PHF14: variants seen among roughly 807,000 people sequenced by gnomAD.
PHF14 encodes PHD finger protein 14.
Under a neutral mutation model 117.9 loss-of-function variants are expected in PHF14, and 55 were observed. That is an observed-to-expected ratio of 0.47 (90% confidence interval 0.38 to 0.58). The LOEUF (loss-of-function observed/expected upper bound fraction) is 0.58. PHF14 is among the 20% of genes least tolerant of loss of function. PHF14 has a pLI of 0.00. For synonymous variants in PHF14, 409 were observed against 368.6 expected (o/e 1.11, Z -1.26); for missense variants, 978 against 1,122.2 (o/e 0.87, Z 1.84).
At chr7:11,089,285 AC>A (rs1288739776) in intron 16 of PHF14, among the ~76,000 whole-genome samples, 1 of 152,248 alleles carries the variant, frequency 6.6e-6, no homozygotes, top group Non-Finnish European at 1.5e-5. Flanking sequence ...TATGCAGTAT[AC>A]TAAATAAGGT....
At chr7:11,075,763 C>G (rs977992134) in intron 16 of PHF14, among the ~76,000 whole-genome samples, 1 of 151,592 alleles carries the variant, frequency 6.6e-6, no homozygotes, top group African/African-American at 2.4e-5. Context: ...TTTAGATACC[C>G]TATGAAATAA....
At chr7:11,146,604 T>G (rs995024048) in intron 17 of PHF14, among the ~76,000 whole-genome samples, 2 of 152,210 alleles carry the variant, frequency 1.3e-5, no homozygotes, top group African/African-American at 4.8e-5. Flanking sequence ...GATTTGAATT[T>G]GAGTATCTAT....
At chr7:11,126,809 A>G (rs1229465775) in intron 17 of PHF14, among the ~76,000 whole-genome samples, 1 of 151,588 alleles carries the variant, frequency 6.6e-6, no homozygotes, top group Admixed American at 6.6e-5. Context: ...TGAATTTGAC[A>G]TCATTAAACA....
intron 5 of PHF14, among the ~76,000 whole-genome samples, chr7:11,018,922 C>T (rs902251247): frequency 1.3e-5 from 2 of 151,948 alleles, no homozygotes; most frequent in Non-Finnish European, 2.9e-5. Flanking sequence ...CTTTCTATCC[C>T]GTTTTTGGGG....
At position 10,982,491 on chromosome 7, in the gene PHF14, G is replaced by A. The variant is rs1309746381; in HGVS notation, c.232G>A (p.Glu78Lys). 1 of 1,576,898 alleles carries A rather than the reference G, an allele frequency of 6.3e-7. No individual in the cohort carries two copies. The highest frequency in any genetic ancestry group is 1.7e-5 in the Admixed American group (1 of 57,626). Reference protein sequence around the residue: ...EELNEDIKVKEEQLKNSAEEE... With the variant: ...EELNEDIKVKKEQLKNSAEEE... ...ACTGAATGAAGATATTAAAGTAAAA[G>A]AAGAACAACTTAAAAATTCTGCAGA... The change falls in exon 3 of 18, where the codon GAA becomes AAA. Residue 78 changes from glutamate to lysine, a missense_variant. By Grantham distance (56) the Glu-to-Lys change is moderately conservative (BLOSUM62 1). This residue lies in a region of PHF14 where 414 missense variants were observed against 376.4 expected (regional missense o/e 1.10). Coordinates refer to ENST00000634607, the MANE Select transcript of PHF14 (RefSeq NM_001007157.2).
intron 5 of PHF14, among the ~76,000 whole-genome samples, chr7:11,021,618 T>A (rs944200701): frequency 1.4e-4 from 22 of 152,040 alleles, no homozygotes; most frequent in African/African-American, 5.3e-4. Flanking sequence ...TCCTACAGAG[T>A]ATAGCGACAT....
At chr7:10,986,093 G>A (rs1327597820) in intron 3 of PHF14, among the ~76,000 whole-genome samples, 1 of 151,804 alleles carries the variant, frequency 6.6e-6, no homozygotes, top group Non-Finnish European at 1.5e-5. Context: ...CTCAGCCTTT[G>A]GAGTAGCTGA....
In PHF14 at chr7:11,062,915, A is replaced by C. The variant is rs958344056; in HGVS notation, c.2654+830A>C. On this transcript the variant is annotated intron_variant, in intron 16 of 17. Coordinates refer to ENST00000634607, the MANE Select transcript of PHF14 (RefSeq NM_001007157.2). ...GGAATCCATTCTTATTTCTTTAAAA[A>C]ATTGTCTTCTGGTAAAGCCCTGTTA... 15 of 983,058 alleles carry C rather than the reference A, an allele frequency of 1.5e-5. No individual in the cohort carries two copies. In the African/African-American group the frequency reaches 2.4e-4, roughly 16 times the overall value. 60.9% of individuals were successfully genotyped at this position (983,058 alleles called of 1,614,324 possible). A position where few individuals can be genotyped will look rare whatever the true frequency, so the allele number is the denominator to read the frequency against.
At chr7:11,105,377 A>T in intron 16 of PHF14, 1 of 952,204 alleles carries the variant, frequency 1.1e-6, no homozygotes, top group Non-Finnish European at 1.3e-6. Context: ...AATGAAAACC[A>T]CTGGTTTTAA....
At chr7:11,076,903 C>T (rs77593040) in intron 16 of PHF14, among the ~76,000 whole-genome samples, 1,853 of 148,428 alleles carry the variant, frequency 0.012, 38 homozygotes, top group East Asian at 0.1. Context: ...GGCAAAATTA[C>T]ACCTTTTTCA....
chr7:11,057,088 T>C (rs1343196932), intron 14 of PHF14, among the ~76,000 whole-genome samples: 1 of 152,042 alleles, frequency 6.6e-6, no homozygotes, highest in East Asian at 1.9e-4. Context: ...TGTATAAATA[T>C]TGATATGTCA....
At chr7:11,127,169 C>T (rs1787950816) in intron 17 of PHF14, among the ~76,000 whole-genome samples, 2 of 151,792 alleles carry the variant, frequency 1.3e-5, no homozygotes, top group South Asian at 2.1e-4. Context: ...CTATTCTCAG[C>T]AGCTCAGACC....
chr7:11,023,747 G>C (rs1783816275), intron 6 of PHF14, among the ~76,000 whole-genome samples: 1 of 152,160 alleles, frequency 6.6e-6, no homozygotes, highest in East Asian at 1.9e-4. Context: ...AGAATCGCTT[G>C]AACCCAGGAG....
intron 17 of PHF14, among the ~76,000 whole-genome samples, chr7:11,155,400 G>A (rs546629024): frequency 1.3e-5 from 2 of 152,276 alleles, no homozygotes; most frequent in East Asian, 3.9e-4. Context: ...ACTGTGTAAT[G>A]CTAGAACCAG....
chr7:11,108,988 A>G (rs527864391), intron 16 of PHF14: 10 of 151,930 alleles, frequency 6.6e-5, no homozygotes, highest in East Asian at 3.9e-4. Flanking sequence ...TTCATCAAGA[A>G]CTTTGATTAT....
intron 13 of PHF14, among the ~76,000 whole-genome samples, chr7:11,048,699 G>T (rs190607860): frequency 3.5e-4 from 54 of 152,238 alleles, no homozygotes; most frequent in Middle Eastern, 3.4e-3. Flanking sequence ...ATATCTTAAA[G>T]GATATTTATA....
At chr7:11,073,267 A>C (rs1308119397) in intron 16 of PHF14, among the ~76,000 whole-genome samples, 1 of 152,198 alleles carries the variant, frequency 6.6e-6, no homozygotes, top group African/African-American at 2.4e-5. Flanking sequence ...AAAACAAGTT[A>C]TTTACTTCCA....
At chr7:10,985,469 A>G (rs1782183585) in intron 3 of PHF14, among the ~76,000 whole-genome samples, 1 of 152,026 alleles carries the variant, frequency 6.6e-6, no homozygotes, top group Non-Finnish European at 1.5e-5. Flanking sequence ...ATTTGTAGCA[A>G]AATAATGACC....
intron 14 of PHF14, among the ~76,000 whole-genome samples, chr7:11,053,186 A>G (rs917307335): frequency 3.9e-5 from 6 of 152,086 alleles, no homozygotes; most frequent in Admixed American, 1.3e-4. Flanking sequence ...CTCAAAAAAC[A>G]TTTTCTTAAT....
Sources: gnomAD v4.1 joint callset for allele counts (sites outside exome capture counted in the v4.1 genomes callset) on GRCh38, gnomAD v4.1.1 for gene constraint, gnomAD v4.1.1 regional missense constraint, MANE v1.5 for transcripts, NCBI Gene and HGNC (gene_info 2026-07-23, HGNC 2026-07-21) for gene names.